The following ENO4 variants were observed in gnomAD, a reference collection of about 807,000 sequenced individuals.
The protein encoded by ENO4 is 2-phospho-D-glycerate hydro-lyase.
ENO4 carries 53 observed loss-of-function variants against 63.2 expected under a neutral mutation model. That is an observed-to-expected ratio of 0.84 (90% confidence interval 0.67 to 1.05). The LOEUF (loss-of-function observed/expected upper bound fraction) is 1.05, where lower values mean the gene tolerates loss of function less well. Ranked by LOEUF, ENO4 falls within the 50% of genes least tolerant of loss-of-function variation. The pLI is 0.00. For synonymous variants in ENO4, 266 were observed against 283.8 expected (o/e 0.94, Z 0.63); for missense variants, 719 against 772.0 (o/e 0.93, Z 0.81).
intron 10 of ENO4, among the ~76,000 whole-genome samples, chr10:116,875,225 C>G (rs1846795527): frequency 6.6e-6 from 1 of 152,014 alleles, no homozygotes; most frequent in Non-Finnish European, 1.5e-5. Context: ...ATGTGGAGTC[C>G]CAGGGTCTCA....
downstream of ENO4, chr10:116,883,469 C>T (rs945523864): frequency 2.6e-4 from 40 of 152,284 alleles, no homozygotes; most frequent in African/African-American, 8.7e-4. Flanking sequence ...GTGATAATGA[C>T]AGATGGTTAT....
downstream of ENO4, chr10:116,886,276 A>C (rs540582903): frequency 6.5e-7 from 1 of 1,546,914 alleles, no homozygotes; most frequent in Admixed American, 2.0e-5. Flanking sequence ...GCCCTTGCCA[A>C]TATAACAACA....
At chr10:116,876,384 C>A (rs1206173420) in intron 11 of ENO4, 124 bp downstream of exon 11, 2 of 827,890 alleles carry the variant, frequency 2.4e-6, no homozygotes, top group Non-Finnish European at 1.8e-6. Context: ...AAAGTCCAAC[C>A]ATTTGTGAGA....
intron 11 of ENO4, among the ~76,000 whole-genome samples, chr10:116,877,253 T>G (rs1157275496): frequency 2.0e-5 from 3 of 152,140 alleles, no homozygotes; most frequent in Admixed American, 6.5e-5. Context: ...ATGCTCTAGA[T>G]TCTAGATAAG....
At chr10:116,905,916 C>T (rs1363544443) in intron 10 of ENO4, among the ~76,000 whole-genome samples, 1 of 152,190 alleles carries the variant, frequency 6.6e-6, no homozygotes, top group Admixed American at 6.5e-5. Flanking sequence ...AGGCCTAATA[C>T]AGACCTAATG....
At chr10:116,866,516 C>T (rs1846551575) in intron 7 of ENO4, among the ~76,000 whole-genome samples, 1 of 152,174 alleles carries the variant, frequency 6.6e-6, no homozygotes, top group African/African-American at 2.4e-5. Flanking sequence ...GTTTCCTCAT[C>T]TGTACAACTT....
At chr10:116,900,373 C>G in intron 10 of ENO4, 1 of 636,956 alleles carries the variant, frequency 1.6e-6, no homozygotes, top group Non-Finnish European at 2.7e-6. Context: ...ACAACTGTGT[C>G]TGTCAACACA....
downstream of ENO4, among the ~76,000 whole-genome samples, chr10:116,887,113 G>T (rs1363955012): frequency 3.3e-5 from 5 of 152,218 alleles, no homozygotes; most frequent in Admixed American, 6.5e-5. Context: ...GACTTCAGGA[G>T]GGGGTGGTGG....
chr10:116,850,030 CCT>C (rs1846028118), intron 1 of ENO4: 1 of 558,716 alleles, frequency 1.8e-6, no homozygotes, highest in African/African-American at 1.9e-5. Flanking sequence ...GCCTAAGAGG[CCT>C]CTCCGTTTGT....
intron 11 of ENO4, 36 bp from the exon 12 acceptor site, chr10:116,879,255 T>G (rs376483171): frequency 6.7e-7 from 1 of 1,484,530 alleles, no homozygotes; most frequent in Non-Finnish European, 9.1e-7. Flanking sequence ...CCTAACTTTC[T>G]ACACCATATA....
chr10:116,907,339 G>A (rs1438510338), intron 10 of ENO4, among the ~76,000 whole-genome samples: 2 of 152,192 alleles, frequency 1.3e-5, no homozygotes, highest in African/African-American at 4.8e-5. Context: ...ATCATACAGA[G>A]AGGCAAGCAA....
chr10:116,886,579 G>A (rs373921504), downstream of ENO4: 1 of 1,600,508 alleles, frequency 6.2e-7, no homozygotes, highest in South Asian at 1.1e-5. Context: ...ATGAGATGAA[G>A]AGTTAGACAA....
At chr10:116,886,417 T>C (rs1320110415), downstream of ENO4, 1 of 1,601,352 alleles carries the variant, frequency 6.2e-7, no homozygotes, top group Non-Finnish European at 8.5e-7. Flanking sequence ...AATTTCGCCT[T>C]CATCCTCCTT....
At chr10:116,853,604 C>T (rs1846157425) in intron 1 of ENO4, among the ~76,000 whole-genome samples, 1 of 152,126 alleles carries the variant, frequency 6.6e-6, no homozygotes, top group South Asian at 2.1e-4. Flanking sequence ...AGTTCCTTTC[C>T]TCTCCTAACA....
rs546392561 is a variant in ENO4, at chr10:116,856,685, A to C, written c.485+3A>C. On this transcript the variant is annotated splice_donor_region_variant and intron_variant, in intron 3 of 13. Coordinates refer to ENST00000341276, the MANE Select transcript of ENO4 (RefSeq NM_001242699.2). ...GCAGAGGTGGATCACCTACTCAGGT[A>C]CAGTTTCCACTTTGAAATATAAACA... The C allele has an allele frequency of 1.3e-6, 2 of 1,512,862 alleles. No individual in the cohort carries two copies. The highest frequency in any genetic ancestry group is 2.1e-5 in the Admixed American group (1 of 46,914). 93.7% of individuals were successfully genotyped at this position (1,512,862 alleles called of 1,614,324 possible).
downstream of ENO4, chr10:116,885,586 G>A (rs765239096): frequency 1.3e-5 from 2 of 152,418 alleles, no homozygotes; most frequent in Non-Finnish European, 1.5e-5. Context: ...TTAGTATTTG[G>A]GAAAACATAA....
intron 7 of ENO4, among the ~76,000 whole-genome samples, chr10:116,867,914 C>CCTT (rs1444188104): frequency 6.6e-6 from 1 of 152,134 alleles, no homozygotes; most frequent in East Asian, 1.9e-4. Flanking sequence ...TTCCCTTTGC[C>CCTT]CTTCTGTTCA....
At chr10:116,862,131 C>CAG (rs1414465561) in intron 6 of ENO4, among the ~76,000 whole-genome samples, 1 of 152,122 alleles carries the variant, frequency 6.6e-6, no homozygotes, top group African/African-American at 2.4e-5. Context: ...CACTCTAATC[C>CAG]AGACTACCTT....
Position 116,849,505 on chromosome 10 carries a change from C to G in ENO4, c.-62C>G, listed in dbSNP as rs1845986958. ...GTCGGGATCACGTTGCGTTGCCTAG[C>G]GACAGCAGGGACGCTCGTGGGACCC... is the stretch of plus-strand genomic sequence containing the variant. On this transcript the variant is annotated 5_prime_UTR_variant, in exon 1 of 14. Transcript: ENST00000341276. 1.4e-6 allele frequency: 2 copies of G among 1,436,842 alleles called. No homozygotes were observed. The highest frequency in any genetic ancestry group is 2.3e-4 in the Middle Eastern group (1 of 4,276). The allele number at this position is 1,436,842 out of a possible 1,614,324, so 89.0% of individuals were successfully genotyped here.
Sources: allele counts gnomAD v4.1 joint callset (sites outside exome capture counted in the v4.1 genomes callset), GRCh38; gene constraint gnomAD v4.1.1; transcripts MANE v1.5; gene names NCBI Gene and HGNC (gene_info 2026-07-23, HGNC 2026-07-21).